UST: variants seen among roughly 807,000 people sequenced by gnomAD.
UST encodes the protein uronyl 2-sulfotransferase.
UST carries 21 observed loss-of-function variants against 45.6 expected under a neutral mutation model. The ratio of observed to expected loss-of-function variants is 0.46; its 90% confidence interval spans 0.33 to 0.66. The LOEUF is 0.66. UST is among the 30% of genes least tolerant of loss of function. The pLI, the probability that UST is intolerant of heterozygous loss-of-function variation, is 0.02. For missense variants in UST, 463 were observed against 512.4 expected, an observed-to-expected ratio of 0.90 and a Z score of 0.93; for synonymous variants, 215 against 200.6, an observed-to-expected ratio of 1.07 and a Z score of -0.61.
intron 1 of UST, among the ~76,000 whole-genome samples, chr6:148,766,285 G>T (rs1776323341): frequency 3.3e-5 from 5 of 151,956 alleles, no homozygotes; most frequent in Non-Finnish European, 1.5e-5. Flanking sequence ...CTTCATTGAA[G>T]TCTCACATCA....
chr6:148,980,617 C>A (rs915404869), intron 5 of UST, among the ~76,000 whole-genome samples: 2 of 152,174 alleles, frequency 1.3e-5, no homozygotes, highest in African/African-American at 4.8e-5. Context: ...CCCAAATAAA[C>A]GCTAATCCAA....
chr6:148,806,397 G>A (rs543705832), intron 1 of UST, among the ~76,000 whole-genome samples: 32 of 151,966 alleles, frequency 2.1e-4, no homozygotes, highest in Non-Finnish European at 4.3e-4. Context: ...GGAGTGCAGC[G>A]GTGCGATCTC....
intron 4 of UST, among the ~76,000 whole-genome samples, chr6:148,955,192 T>G (rs1780462307): frequency 6.6e-6 from 1 of 152,126 alleles, no homozygotes; most frequent in Admixed American, 6.5e-5. Context: ...ATCTGCTAGT[T>G]AGTGCTGACC....
chr6:148,936,422 C>A (rs1780027499), intron 2 of UST, among the ~76,000 whole-genome samples: 2 of 152,052 alleles, frequency 1.3e-5, no homozygotes, highest in African/African-American at 4.8e-5. Flanking sequence ...GATACTTAAG[C>A]CATTTGATAA....
intron 1 of UST, among the ~76,000 whole-genome samples, chr6:148,836,017 A>C (rs752573279): frequency 6.6e-6 from 1 of 151,832 alleles, no homozygotes; most frequent in Non-Finnish European, 1.5e-5. Flanking sequence ...GCTGATTTAC[A>C]GGTCTGGGTG....
chr6:148,886,506 A>G (rs575999811), intron 1 of UST, among the ~76,000 whole-genome samples: 3 of 152,222 alleles, frequency 2.0e-5, no homozygotes, highest in Non-Finnish European at 4.4e-5. Context: ...TGAAGAGAGA[A>G]GAGAAACAGA....
chr6:148,835,715 GTGTTTTCCAAGATGAGGCC>G (rs1475378292), intron 1 of UST, among the ~76,000 whole-genome samples: 3 of 152,184 alleles, frequency 2.0e-5, no homozygotes, highest in African/African-American at 7.2e-5. Context: ...GGGGGCTTTA[GTGTTTTCCAAGATGAGGCC>G]TGGTTGATTC....
intron 1 of UST, among the ~76,000 whole-genome samples, chr6:148,840,776 A>G (rs181921342): frequency 4.6e-4 from 70 of 152,346 alleles, no homozygotes; most frequent in Admixed American, 7.8e-4. Flanking sequence ...CTTAAGGTCA[A>G]CTAATGCTCT....
At chr6:148,823,746 A>G (rs920050896) in intron 1 of UST, among the ~76,000 whole-genome samples, 2 of 152,102 alleles carry the variant, frequency 1.3e-5, no homozygotes, top group African/African-American at 2.4e-5. Flanking sequence ...TCTCTGGTGG[A>G]TTTTATCTTG....
chr6:148,915,010 A>T (rs10457836), intron 2 of UST, among the ~76,000 whole-genome samples: 44,109 of 151,874 alleles, frequency 0.29, 6,560 homozygotes, highest in Non-Finnish European at 0.31. Flanking sequence ...CCTGGTTCAC[A>T]GATGGTGCCT....
At chr6:149,037,656 G>A (rs116045945) in intron 7 of UST, among the ~76,000 whole-genome samples, 3,177 of 152,336 alleles carry the variant, frequency 0.021, 89 homozygotes, top group African/African-American at 0.063. Context: ...TCCACGGACC[G>A]GTGCCAGTCC....
chr6:148,996,516 C>G (rs1781455320), intron 5 of UST, among the ~76,000 whole-genome samples: 1 of 152,216 alleles, frequency 6.6e-6, no homozygotes, highest in Non-Finnish European at 1.5e-5. Flanking sequence ...ACCACACCTG[C>G]CCTGTTTAAT....
At chr6:148,891,408 C>T (rs1207572900) in intron 2 of UST, among the ~76,000 whole-genome samples, 6 of 152,326 alleles carry the variant, frequency 3.9e-5, no homozygotes, top group African/African-American at 7.2e-5. Context: ...ATAATAAAAT[C>T]GCTATCCATA....
intron 1 of UST, among the ~76,000 whole-genome samples, chr6:148,761,081 C>T (rs1776208357): frequency 6.6e-6 from 1 of 152,164 alleles, no homozygotes; most frequent in Non-Finnish European, 1.5e-5. Flanking sequence ...GACTGCTCCT[C>T]CCACCGCTTT....
intron 1 of UST, among the ~76,000 whole-genome samples, chr6:148,756,361 C>A (rs1020418276): frequency 2.0e-5 from 3 of 152,138 alleles, no homozygotes; most frequent in African/African-American, 7.2e-5. Context: ...TCAATTAAAC[C>A]TCTTTCCTTT....
intron 1 of UST, among the ~76,000 whole-genome samples, chr6:148,775,612 C>T (rs1046905352): frequency 6.6e-6 from 1 of 151,136 alleles, no homozygotes; most frequent in Non-Finnish European, 1.5e-5. Context: ...GATTGTAACT[C>T]TTTTTTTAAT....
chr6:148,852,233 A>G (rs1778121241), intron 1 of UST, among the ~76,000 whole-genome samples: 1 of 152,204 alleles, frequency 6.6e-6, no homozygotes. Flanking sequence ...ACAAACATGG[A>G]CAGAGCCCAC....
chr6:148,896,818 T>A (rs1779140935), intron 2 of UST, among the ~76,000 whole-genome samples: 1 of 152,162 alleles, frequency 6.6e-6, no homozygotes, highest in South Asian at 2.1e-4. Context: ...CTGAGAAGCA[T>A]CGGTTTTAGA....
At chr6:148,908,486 T>G (rs936179536) in intron 2 of UST, among the ~76,000 whole-genome samples, 2 of 152,214 alleles carry the variant, frequency 1.3e-5, no homozygotes, top group African/African-American at 4.8e-5. Flanking sequence ...TTTATTTTAG[T>G]GTATGAGAAA....
Sources: gnomAD v4.1 joint callset for allele counts (sites outside exome capture counted in the v4.1 genomes callset) on GRCh38, gnomAD v4.1.1 for gene constraint, MANE v1.5 for transcripts, NCBI Gene and HGNC (gene_info 2026-07-23, HGNC 2026-07-21) for gene names.